Variants in GPR176 observed in about 807,000 individuals in gnomAD.
The protein encoded by GPR176 is G protein-coupled receptor 176.
GPR176 carries 26 observed loss-of-function variants against 35.4 expected under a neutral mutation model. That is an observed-to-expected ratio of 0.74 (90% CI 0.54 to 1.02). The LOEUF (loss-of-function observed/expected upper bound fraction) is 1.02, where lower values mean the gene tolerates loss of function less well. Ranked by LOEUF, GPR176 falls within the 50% of genes least tolerant of loss-of-function variation. The pLI is 0.00. For missense variants in GPR176, 597 were observed against 665.3 expected (o/e 0.90, Z 1.13); for synonymous variants, 278 against 271.3 (o/e 1.02, Z -0.24).
intron 1 of GPR176, among the ~76,000 whole-genome samples, chr15:39,861,433 C>T (rs1261677495): frequency 1.3e-5 from 2 of 151,828 alleles, no homozygotes; most frequent in African/African-American, 2.4e-5. Flanking sequence ...ACCTGTAGTC[C>T]CAGCTACCCG....
chr15:39,912,796 T>C (rs910396625), intron 1 of GPR176, among the ~76,000 whole-genome samples: 1 of 152,216 alleles, frequency 6.6e-6, no homozygotes, highest in African/African-American at 2.4e-5. Flanking sequence ...AACATAGCTA[T>C]GTTTCTTTGT....
At chr15:39,820,773 T>C (rs1900219937) in intron 1 of GPR176, among the ~76,000 whole-genome samples, 1 of 152,224 alleles carries the variant, frequency 6.6e-6, no homozygotes, top group African/African-American at 2.4e-5. Context: ...TGCTTTTCTC[T>C]CTTTTCTTCT....
intron 1 of GPR176, among the ~76,000 whole-genome samples, chr15:39,867,487 G>A (rs1426570148): frequency 1.3e-5 from 2 of 152,198 alleles, no homozygotes. Flanking sequence ...CTGGCAGGAG[G>A]GGAGGTGAGG....
At chr15:39,846,863 A>G (rs2030465871) in intron 1 of GPR176, among the ~76,000 whole-genome samples, 1 of 152,176 alleles carries the variant, frequency 6.6e-6, no homozygotes, top group South Asian at 2.1e-4. Flanking sequence ...AAGATAATAG[A>G]AATGGTAAAA....
At chr15:39,918,964 C>T (rs1010222028) in intron 1 of GPR176, among the ~76,000 whole-genome samples, 3 of 152,134 alleles carry the variant, frequency 2.0e-5, no homozygotes, top group Non-Finnish European at 4.4e-5. Flanking sequence ...AACGCCATAT[C>T]GGGGACACAG....
intron 1 of GPR176, among the ~76,000 whole-genome samples, chr15:39,819,060 C>G (rs1241646438): frequency 6.6e-6 from 1 of 152,194 alleles, no homozygotes; most frequent in African/African-American, 2.4e-5. Flanking sequence ...ACAGGTTCCA[C>G]TTCCCTACTT....
intron 1 of GPR176, among the ~76,000 whole-genome samples, chr15:39,886,786 C>G (rs1300830990): frequency 6.6e-6 from 1 of 152,160 alleles, no homozygotes; most frequent in Non-Finnish European, 1.5e-5. Flanking sequence ...AATGACAGAC[C>G]TGGGCCTGCT....
At chr15:39,855,179 T>C (rs1362280124) in intron 1 of GPR176, among the ~76,000 whole-genome samples, 3 of 152,196 alleles carry the variant, frequency 2.0e-5, no homozygotes, top group East Asian at 3.8e-4. Flanking sequence ...GGAATTTTCA[T>C]AGTACCTGCT....
chr15:39,833,211 A>T (rs550717121), intron 1 of GPR176, among the ~76,000 whole-genome samples: 1 of 152,328 alleles, frequency 6.6e-6, no homozygotes, highest in East Asian at 1.9e-4. Context: ...AAATGTTCAT[A>T]GCAGCCCTCT....
intron 1 of GPR176, among the ~76,000 whole-genome samples, chr15:39,856,360 T>C (rs1415431714): frequency 6.6e-6 from 1 of 152,242 alleles, no homozygotes; most frequent in Non-Finnish European, 1.5e-5. Flanking sequence ...ATTAGTTATC[T>C]ACTGCTGCAT....
chr15:39,843,886 A>T (rs1481936347), intron 1 of GPR176, among the ~76,000 whole-genome samples: 1 of 152,104 alleles, frequency 6.6e-6, no homozygotes, highest in African/African-American at 2.4e-5. Context: ...CTTCAGTCCT[A>T]GGGGAGGCCT....
At position 39,817,796 on chromosome 15, in the gene GPR176, T is replaced by C. The variant is rs544671105; in HGVS notation, c.173-10538A>G. 2.6e-5 allele frequency among the ~76,000 whole-genome samples: 4 copies of C among 152,290 alleles called. No individual in the cohort carries two copies. In the South Asian group the frequency reaches 8.3e-4, roughly 32 times the overall value. ...ACCTGGAGAGTTCAAAAAAAGGCACTGTTAAGCTCTGTGGAGCAGGGAGTA... is the reference window on the plus strand; with the variant it reads ...ACCTGGAGAGTTCAAAAAAAGGCACCGTTAAGCTCTGTGGAGCAGGGAGTA... On this transcript the variant is annotated intron_variant, in intron 1 of 2. Coordinates refer to ENST00000561100, the MANE Select transcript of GPR176 (RefSeq NM_007223.3).
intron 1 of GPR176, among the ~76,000 whole-genome samples, chr15:39,832,758 G>A (rs915481252): frequency 1.3e-5 from 2 of 151,980 alleles, no homozygotes; most frequent in Non-Finnish European, 1.5e-5. Context: ...CCTTGGCTAC[G>A]TGCAGCTCAG....
intron 1 of GPR176, among the ~76,000 whole-genome samples, chr15:39,918,263 C>G (rs1445266270): frequency 6.6e-6 from 1 of 152,176 alleles, no homozygotes; most frequent in Non-Finnish European, 1.5e-5. Context: ...AAGTAACATT[C>G]ATTAAATGTT....
At chr15:39,806,916 G>A (rs1016431938) in intron 2 of GPR176, 90 bp downstream of exon 2, 24 of 1,163,384 alleles carry the variant, frequency 2.1e-5, no homozygotes, top group Non-Finnish European at 2.7e-5. Flanking sequence ...AGCAGTATAC[G>A]GAACATTGAC....
intron 1 of GPR176, among the ~76,000 whole-genome samples, chr15:39,910,973 GGTTGCA>G (rs2033562371): frequency 1.3e-5 from 2 of 152,152 alleles, no homozygotes; most frequent in Middle Eastern, 3.4e-3. Flanking sequence ...AGGAGGCAGA[GGTTGCA>G]GTTAGTCAAG....
chr15:39,869,409 C>T (rs571026144), intron 1 of GPR176, among the ~76,000 whole-genome samples: 3 of 152,242 alleles, frequency 2.0e-5, no homozygotes, highest in South Asian at 4.1e-4. Context: ...ACATCGCTAC[C>T]GAGCTGTGGA....
intron 1 of GPR176, among the ~76,000 whole-genome samples, chr15:39,838,814 T>C (rs1252284432): frequency 6.6e-6 from 1 of 152,134 alleles, no homozygotes; most frequent in Non-Finnish European, 1.5e-5. Context: ...TTCAACATAG[T>C]GTTGGAAGTT....
intron 1 of GPR176, among the ~76,000 whole-genome samples, chr15:39,855,048 C>T (rs1476194522): frequency 2.3e-5 from 3 of 131,614 alleles, no homozygotes; most frequent in Non-Finnish European, 4.7e-5. Context: ...GAGACCCTGT[C>T]TCAAAAAAAA....
Sources: allele counts gnomAD v4.1 joint callset (sites outside exome capture counted in the v4.1 genomes callset), GRCh38; gene constraint gnomAD v4.1.1; transcripts MANE v1.5; gene names NCBI Gene and HGNC (gene_info 2026-07-23, HGNC 2026-07-21).